Variants in IGF2R observed in about 807,000 individuals in gnomAD.
IGF2R encodes cation-independent mannose-6-phosphate receptor.
A neutral mutation model predicts 270.6 loss-of-function variants in IGF2R; 91 were observed. The observed-to-expected ratio is 0.34, with a 90% CI of 0.28 to 0.40. The LOEUF is 0.40. Ranked by LOEUF, IGF2R falls within the 10% of genes least tolerant of loss-of-function variation. The pLI is 1.00. For synonymous variants in IGF2R, 1,316 were observed against 1,258.9 expected, an observed-to-expected ratio of 1.05 and a Z score of -0.96; for missense variants, 2,805 against 3,188.3, an observed-to-expected ratio of 0.88 and a Z score of 2.90.
chr6:160,037,008 CAG>C (rs1365609157), intron 10 of IGF2R, among the ~76,000 whole-genome samples: 3 of 152,216 alleles, frequency 2.0e-5, no homozygotes, highest in Non-Finnish European at 4.4e-5. Context: ...AACATTAAAA[CAG>C]AAATTTACAT....
intron 9 of IGF2R, among the ~76,000 whole-genome samples, 186 bp downstream of exon 9, chr6:160,033,293 T>C (rs1777741322): frequency 6.6e-6 from 1 of 152,192 alleles, no homozygotes; most frequent in African/African-American, 2.4e-5. Context: ...GGCACCACCA[T>C]GCCTAGCTGG....
rs541659197 is a variant in IGF2R, at chr6:160,095,390, T to G, written c.6656-1049T>G. 2.6e-5 allele frequency: 4 copies of G among 152,598 alleles called. No individual in the cohort carries two copies. In the South Asian group the frequency reaches 8.3e-4, roughly 32 times the overall value. The allele number at this position is 152,598 out of a possible 1,614,324, so 9.5% of individuals were successfully genotyped here. On this transcript the variant is annotated intron_variant, in intron 44 of 47. Transcript: ENST00000356956. Reference sequence around the variant, plus strand: ...CTATACGTTTCCAAGTTAGAAAGATTAGTGTTATGGAAGTGCCTAATGTAT... The same window carrying G: ...CTATACGTTTCCAAGTTAGAAAGATGAGTGTTATGGAAGTGCCTAATGTAT...
At chr6:160,057,623 G>T (rs1009665432) in intron 20 of IGF2R, among the ~76,000 whole-genome samples, 29 of 152,220 alleles carry the variant, frequency 1.9e-4, no homozygotes, top group Non-Finnish European at 8.8e-5. Flanking sequence ...CAGTCACCTG[G>T]TCATACTTCC....
At chr6:160,068,991 T>C (rs1411281164) in intron 30 of IGF2R, among the ~76,000 whole-genome samples, 1 of 152,030 alleles carries the variant, frequency 6.6e-6, no homozygotes, top group Non-Finnish European at 1.5e-5. Context: ...GATGAAGATA[T>C]AATAGATAGA....
In IGF2R at chr6:160,107,592, A is replaced by G. The variant is rs1170059277; in HGVS notation, c.*2508A>G. ...CTGGGTATTTAGCTTCCTTTCAACA[A>G]AATTTTTTGTGCCCCTTTCTTGAGA... is the stretch of plus-strand genomic sequence containing the variant. On this transcript the variant is annotated 3_prime_UTR_variant, in exon 48 of 48. Transcript: ENST00000356956. 1 of 152,230 alleles carries G rather than the reference A, an allele frequency of 6.6e-6. No individual in the cohort carries two copies. Among genetic ancestry groups the G allele is most frequent in the Non-Finnish European group, 1.5e-5 (1 of 68,040 alleles). 9.4% of individuals were successfully genotyped at this position (152,230 alleles called of 1,614,324 possible).
At position 160,069,859 on chromosome 6, in the gene IGF2R, G is replaced by C. The variant is rs199957675; in HGVS notation, c.4253-9G>C. 7 of 1,612,758 alleles carry C rather than the reference G, an allele frequency of 4.3e-6. No individual in the cohort carries two copies. The Admixed American group carries it at 5.0e-5, about 12-fold the overall frequency. ...TAAAGGCAACTCTTTCTTGTGTCTGGTGCTGCAGAGCCGTGCCCTCCAGAA... is the reference window on the plus strand; with the variant it reads ...TAAAGGCAACTCTTTCTTGTGTCTGCTGCTGCAGAGCCGTGCCCTCCAGAA... On this transcript the variant is annotated splice_polypyrimidine_tract_variant and intron_variant, in intron 30 of 47. Coordinates refer to ENST00000356956, the MANE Select transcript of IGF2R (RefSeq NM_000876.4).
intron 36 of IGF2R, among the ~76,000 whole-genome samples, chr6:160,076,500 A>G (rs1418109012): frequency 1.3e-5 from 2 of 152,240 alleles, no homozygotes; most frequent in African/African-American, 4.8e-5. Context: ...AGCTTCCATT[A>G]TAATGAGTTC....
chr6:160,046,412 C>G (rs1778070044), intron 14 of IGF2R, 86 bp from the exon 15 acceptor site: 2 of 1,343,212 alleles, frequency 1.5e-6, no homozygotes, highest in African/African-American at 1.5e-5. Context: ...TGGGAAGAAC[C>G]TCTCCCTTTC....
intron 8 of IGF2R, 30 bp from the exon 9 acceptor site, chr6:160,032,912 G>A: frequency 6.5e-7 from 1 of 1,547,356 alleles, no homozygotes; most frequent in South Asian, 1.1e-5. Flanking sequence ...TATAAAACAA[G>A]CCTCTTCTTG....
intron 1 of IGF2R, among the ~76,000 whole-genome samples, chr6:159,970,701 A>G (rs1213973927): frequency 1.3e-5 from 2 of 152,226 alleles, no homozygotes; most frequent in East Asian, 3.8e-4. Flanking sequence ...ATACAGAGAA[A>G]TGGTGGCAGC....
intron 44 of IGF2R, chr6:160,094,259 T>C (rs1779297037): frequency 3.2e-6 from 1 of 311,508 alleles, no homozygotes. Flanking sequence ...TCTTCCTCTG[T>C]TCTGCTGCTG....
intron 10 of IGF2R, 113 bp from the exon 11 acceptor site, chr6:160,040,447 A>T: frequency 1.2e-6 from 1 of 859,502 alleles, no homozygotes; most frequent in Non-Finnish European, 1.8e-6. Flanking sequence ...CTGGACCTGA[A>T]TTTTTTAACG....
intron 47 of IGF2R, 134 bp from the exon 48 acceptor site, chr6:160,104,540 C>G (rs1251542601): frequency 8.3e-6 from 7 of 845,358 alleles, no homozygotes; most frequent in South Asian, 6.8e-5. Flanking sequence ...ACTGGAGATG[C>G]AGTGACTGTG....
chr6:160,027,238 G>A lies in IGF2R; in HGVS notation c.700G>A (p.Ala234Thr), dbSNP rs752117342. ...QLRACPPGTA[A>T]CLVRGHQAFD... is the part of the protein sequence containing the mutation. ...GCGGGCCTGTCCCCCCGGCACTGCCGCCTGCCTGGTAAGAGGACACCAGGC... is the reference window on the plus strand; with the variant it reads ...GCGGGCCTGTCCCCCCGGCACTGCCACCTGCCTGGTAAGAGGACACCAGGC... The change falls in exon 6 of 48, where the codon GCC (alanine) becomes ACC (threonine). Residue 234 changes from alanine (A) to threonine (T), a missense_variant. Physicochemically the swap from Ala to Thr is moderately conservative, Grantham distance 58. This residue lies in a region of IGF2R where 954 missense variants were observed against 981.1 expected (regional missense o/e 0.97). Coordinates refer to ENST00000356956, the MANE Select transcript of IGF2R (RefSeq NM_000876.4). 33 of 1,614,088 alleles carry A rather than the reference G, an allele frequency of 2.0e-5. No individual in the cohort carries two copies. The Admixed American group carries it at 2.5e-4, about 12-fold the overall frequency.
Position 160,111,497 on chromosome 6 carries a change from A to C in IGF2R, c.*6413A>C, listed in dbSNP as rs1779737972. The C allele has an allele frequency of 6.6e-6, 1 of 152,168 alleles. No individual in the cohort carries two copies. The highest frequency in any genetic ancestry group is 2.4e-5 in the African/African-American group (1 of 41,440). The allele number at this position is 152,168 out of a possible 1,614,324, so 9.4% of individuals were successfully genotyped here. On this transcript the variant is annotated 3_prime_UTR_variant, in exon 48 of 48. Coordinates refer to ENST00000356956, the MANE Select transcript of IGF2R (RefSeq NM_000876.4). ...GAATACAGTATATAATACATACAAC[A>C]TCGAAAATATGTGTTAATTGACTCT...
At chr6:160,047,702 G>T (rs944995496) in intron 16 of IGF2R, 90 bp from the exon 17 acceptor site, 4 of 831,936 alleles carry the variant, frequency 4.8e-6, no homozygotes, top group Non-Finnish European at 8.5e-6. Flanking sequence ...TTCTCATTGG[G>T]AACATTGCTC....
Position 160,055,664 on chromosome 6 carries a change from G to T in IGF2R, c.2695-760G>T, listed in dbSNP as rs74993725. ...GTTAGTGGCTGTTGTTCCTGAACCC[G>T]TGACCCTGGGCAGGTGTCTTAACTT... is the stretch of plus-strand genomic sequence containing the variant. On this transcript the variant is annotated intron_variant, in intron 19 of 47. Coordinates refer to ENST00000356956, the MANE Select transcript of IGF2R (RefSeq NM_000876.4). Among the ~76,000 whole-genome samples the T allele has an allele frequency of 2.4e-3, 358 of 152,266 alleles. 1 individual carries two copies. The highest frequency in any genetic ancestry group is 8.5e-3 in the African/African-American group (355 of 41,554).
At position 160,060,645 on chromosome 6, in the gene IGF2R, A is replaced by G. The variant is rs1562361836; in HGVS notation, c.3190A>G (p.Ile1064Val). Reference protein sequence around the residue: ...LHQDIDSGQGIRNTYFEFETA... With the variant: ...LHQDIDSGQGVRNTYFEFETA... ...TCAAGATATCGACTCTGGGCAAGGGATCCGAAACACTTACTTTGAGTTTGA... is the reference window on the plus strand; with the variant it reads ...TCAAGATATCGACTCTGGGCAAGGGGTCCGAAACACTTACTTTGAGTTTGA... The change falls in exon 23 of 48, where the codon ATC (isoleucine) becomes GTC (valine). Residue 1064 changes from isoleucine to valine, a missense_variant. Physicochemically the swap from Ile to Val is conservative, Grantham distance 29. This residue lies in a region of IGF2R where 1,851 missense variants were observed against 2,207.2 expected (regional missense o/e 0.84). Coordinates refer to ENST00000356956, the MANE Select transcript of IGF2R (RefSeq NM_000876.4). 1 of 1,614,246 alleles carries G rather than the reference A, an allele frequency of 6.2e-7. No homozygotes were observed. The highest frequency in any genetic ancestry group is 2.2e-5 in the East Asian group (1 of 44,894).
chr6:160,073,095 A>T lies in IGF2R; in HGVS notation c.4691-118A>T, dbSNP rs1056974413. ...AACAATGGTTAAAGCCGGATTGGAC[A>T]CTTGAAGTTATAAGTGTTGGCTATG... On this transcript the variant is annotated intron_variant, in intron 33 of 47. Coordinates refer to ENST00000356956, the MANE Select transcript of IGF2R (RefSeq NM_000876.4). The T allele has an allele frequency of 1.0e-5, 15 of 1,434,694 alleles. No homozygotes were observed. In the South Asian group the frequency reaches 1.1e-4, roughly 10 times the overall value. 88.9% of individuals were successfully genotyped at this position (1,434,694 alleles called of 1,614,324 possible). A position where few individuals can be genotyped will look rare whatever the true frequency, so the allele number is the denominator to read the frequency against.
Sources: gnomAD v4.1 joint callset for allele counts (sites outside exome capture counted in the v4.1 genomes callset) on GRCh38, gnomAD v4.1.1 for gene constraint, gnomAD v4.1.1 regional missense constraint, MANE v1.5 for transcripts, NCBI Gene and HGNC (gene_info 2026-07-23, HGNC 2026-07-21) for gene names.